Variants in PRKD1 observed in about 807,000 individuals in gnomAD.
PRKD1 encodes the protein protein kinase D1.
In PRKD1, 63 loss-of-function variants were observed where a neutral mutation model predicts 95.9. The observed-to-expected ratio is 0.66, with a 90% CI of 0.54 to 0.81. PRKD1 has a LOEUF of 0.81. Among genes scored for constraint, PRKD1 ranks in the 30% least tolerant of loss-of-function variants. The pLI is 0.00. For synonymous variants in PRKD1, 425 were observed against 423.1 expected (o/e 1.00, Z -0.05); for missense variants, 1,048 against 1,165.3 (o/e 0.90, Z 1.47).
intron 2 of PRKD1, among the ~76,000 whole-genome samples, chr14:29,676,908 T>C (rs1427663141): frequency 6.6e-6 from 1 of 152,234 alleles, no homozygotes; most frequent in Admixed American, 6.5e-5. Context: ...GTTATTCCAA[T>C]TTAAATTAAT....
chr14:29,667,760 T>C (rs1370200349), intron 2 of PRKD1, among the ~76,000 whole-genome samples: 2 of 152,094 alleles, frequency 1.3e-5, no homozygotes, highest in East Asian at 3.9e-4. Context: ...GACAATACTA[T>C]CACAACGATT....
At chr14:29,663,052 T>C (rs1882269637) in intron 4 of PRKD1, among the ~76,000 whole-genome samples, 1 of 146,118 alleles carries the variant, frequency 6.8e-6, no homozygotes, top group Non-Finnish European at 1.5e-5. Flanking sequence ...TATATATTTA[T>C]TTGCATATTT....
intron 1 of PRKD1, among the ~76,000 whole-genome samples, chr14:29,890,847 T>C (rs1337817905): frequency 2.0e-5 from 3 of 152,190 alleles, no homozygotes; most frequent in Non-Finnish European, 4.4e-5. Context: ...TATGTTGATA[T>C]GCTGTTAATG....
chr14:29,643,615 C>A (rs1880942747), intron 4 of PRKD1, among the ~76,000 whole-genome samples: 1 of 152,178 alleles, frequency 6.6e-6, no homozygotes, highest in African/African-American at 2.4e-5. Context: ...TGTGGAAACT[C>A]CAACTGCCAG....
Position 29,875,188 on chromosome 14 carries a change from T to C in PRKD1, c.264+52061A>G, listed in dbSNP as rs187742152. Among the ~76,000 whole-genome samples, 137 of 152,284 alleles carry C rather than the reference T, an allele frequency of 9.0e-4. 2 individuals carry two copies. The highest frequency in any genetic ancestry group is 2.7e-3 in the African/African-American group (114 of 41,562). The stretch of plus-strand genomic sequence containing the variant: ...TTTAAATTTCCTAAGCCTTGGTTTT[T>C]ACATAAATAAAATGGAGATAATAAT... On this transcript the variant is annotated intron_variant, in intron 1 of 17. Transcript: ENST00000331968.
chr14:29,692,485 T>G (rs539443160), intron 2 of PRKD1, among the ~76,000 whole-genome samples: 7 of 152,238 alleles, frequency 4.6e-5, no homozygotes, highest in Admixed American at 4.6e-4. Flanking sequence ...TCTTAGTCGC[T>G]TTTTAGGAAG....
chr14:29,663,986 A>G, intron 3 of PRKD1, 127 bp from the exon 4 acceptor site: 1 of 1,015,286 alleles, frequency 9.8e-7, no homozygotes, highest in Admixed American at 2.8e-5. Flanking sequence ...TTGGAAATTC[A>G]CATTTTCTTT....
intron 1 of PRKD1, among the ~76,000 whole-genome samples, chr14:29,792,568 G>C (rs1889595731): frequency 6.6e-6 from 1 of 152,052 alleles, no homozygotes; most frequent in Non-Finnish European, 1.5e-5. Context: ...TTCCACCCTG[G>C]ATGCTAAAAT....
At chr14:29,757,015 G>A (rs1887732737) in intron 1 of PRKD1, among the ~76,000 whole-genome samples, 1 of 152,110 alleles carries the variant, frequency 6.6e-6, no homozygotes. Context: ...GTAATTAAAA[G>A]AGTAAATATC....
At chr14:29,890,933 C>CACCAAGG (rs2139412660) in intron 1 of PRKD1, among the ~76,000 whole-genome samples, 1 of 151,998 alleles carries the variant, frequency 6.6e-6, no homozygotes, top group East Asian at 2.0e-4. Flanking sequence ...TTCTATCTAT[C>CACCAAGG]ACCAAGGTCA....
At chr14:29,738,576 C>T (rs1442132100) in intron 1 of PRKD1, among the ~76,000 whole-genome samples, 1 of 152,138 alleles carries the variant, frequency 6.6e-6, no homozygotes, top group African/African-American at 2.4e-5. Context: ...AAATCTTTTA[C>T]CTTTTTTTAT....
intron 1 of PRKD1, among the ~76,000 whole-genome samples, chr14:29,843,053 A>C (rs1566631777): frequency 1.3e-5 from 2 of 152,170 alleles, no homozygotes; most frequent in African/African-American, 4.8e-5. Context: ...TATCCCCAAA[A>C]TGTGTGTATT....
intron 2 of PRKD1, among the ~76,000 whole-genome samples, chr14:29,708,932 AT>A (rs1401595137): frequency 1.3e-5 from 2 of 152,072 alleles, no homozygotes; most frequent in African/African-American, 4.8e-5. Context: ...AGATAGCAAA[AT>A]TTTTTATATT....
In PRKD1 at chr14:29,666,120, T is replaced by C. The variant is rs1882488401; in HGVS notation, c.492A>G (p.Gly164=). 2 of 1,605,746 alleles carry C rather than the reference T, an allele frequency of 1.2e-6. No individual in the cohort carries two copies. Among genetic ancestry groups the C allele is most frequent in the African/African-American group, 2.7e-5 (2 of 74,804 alleles). Residue 164 remains glycine (G), a synonymous_variant, in exon 3 of 18, where the codon GGA becomes GGG. Coordinates refer to ENST00000331968, the MANE Select transcript of PRKD1 (RefSeq NM_002742.3). ...YRAPAFCDHC[G]EMLWGLVRQG... is the part of the protein sequence containing the mutation. Reference sequence around the variant, plus strand: ...GACGTACCAGCCCCCACAGCATTTCTCCACAGTGATCACAGAAAGCTGGAG... The same window carrying C: ...GACGTACCAGCCCCCACAGCATTTCCCCACAGTGATCACAGAAAGCTGGAG...
intron 1 of PRKD1, among the ~76,000 whole-genome samples, chr14:29,809,573 T>A (rs1329498920): frequency 2.0e-5 from 3 of 152,234 alleles, no homozygotes; most frequent in Non-Finnish European, 4.4e-5. Flanking sequence ...TTTATGGTGA[T>A]GGCTTCTTTC....
chr14:29,635,099 T>C (rs962366379), intron 7 of PRKD1, among the ~76,000 whole-genome samples: 1 of 152,148 alleles, frequency 6.6e-6, no homozygotes, highest in African/African-American at 2.4e-5. Context: ...CTGTATGGTG[T>C]TCAGTTTTCA....
chr14:29,725,398 G>A (rs1886089927), intron 2 of PRKD1, 138 bp downstream of exon 2: 3 of 1,043,812 alleles, frequency 2.9e-6, no homozygotes, highest in South Asian at 1.7e-5. Context: ...CCTTTTTCAT[G>A]TGGACAGAGC....
At chr14:29,900,782 A>C (rs1894293180) in intron 1 of PRKD1, among the ~76,000 whole-genome samples, 2 of 152,206 alleles carry the variant, frequency 1.3e-5, no homozygotes. Context: ...CCACAATGAG[A>C]TACCATCTCA....
chr14:29,774,451 G>A, intron 1 of PRKD1, among the ~76,000 whole-genome samples: 1 of 152,072 alleles, frequency 6.6e-6, no homozygotes, highest in East Asian at 1.9e-4. Context: ...ACCATTACTT[G>A]AACATTTTAC....
Sources: gnomAD v4.1 joint callset for allele counts (sites outside exome capture counted in the v4.1 genomes callset) on GRCh38, gnomAD v4.1.1 for gene constraint, MANE v1.5 for transcripts, NCBI Gene and HGNC (gene_info 2026-07-23, HGNC 2026-07-21) for gene names.